The following CFAP54 variants were observed in gnomAD, a reference collection of about 807,000 sequenced individuals.
The protein encoded by CFAP54 is cilia and flagella associated protein 54, also known as cilia- and flagella-associated protein 54.
CFAP54 carries 290 observed loss-of-function variants against 370.4 expected under a neutral mutation model. The observed-to-expected ratio is 0.78, with a 90% CI of 0.71 to 0.86. The LOEUF is 0.86. Among genes scored for constraint, CFAP54 ranks in the 40% least tolerant of loss-of-function variants. The pLI is 0.00. For missense variants in CFAP54, 3,399 were observed against 3,528.7 expected (o/e 0.96, Z 0.93); for synonymous variants, 1,206 against 1,236.5 (o/e 0.98, Z 0.52).
Position 96,691,074 on chromosome 12 carries a change from A to T in CFAP54, c.6082-54A>T. The T allele has an allele frequency of 5.3e-6, 8 of 1,498,660 alleles. No individual in the cohort carries two copies. In the Admixed American group the frequency reaches 9.5e-5, roughly 18 times the overall value. 92.8% of individuals were successfully genotyped at this position (1,498,660 alleles called of 1,614,324 possible). A position where few individuals can be genotyped will look rare whatever the true frequency, so the allele number is the denominator to read the frequency against. ...TACATGTATTTATCTTTTTTGTTTC[A>T]TTATTGAAAATGCTATCTATAGCTC... is the stretch of plus-strand genomic sequence containing the variant. On this transcript the variant is annotated intron_variant, in intron 43 of 67. Coordinates refer to ENST00000524981, the MANE Select transcript of CFAP54 (RefSeq NM_001306084.2).
intron 65 of CFAP54, among the ~76,000 whole-genome samples, chr12:96,826,755 A>G (rs1959113598): frequency 8.9e-6 from 1 of 112,812 alleles, no homozygotes; most frequent in Non-Finnish European, 1.6e-5. Context: ...CTTATATAAT[A>G]CATATTAATA....
chr12:96,807,040 C>A (rs1257304623), intron 63 of CFAP54, among the ~76,000 whole-genome samples: 1 of 152,176 alleles, frequency 6.6e-6, no homozygotes, highest in African/African-American at 2.4e-5. Context: ...GCTACTAATG[C>A]AGCTTACAGT....
chr12:96,749,542 T>G (rs532960056), intron 55 of CFAP54, among the ~76,000 whole-genome samples: 5 of 152,212 alleles, frequency 3.3e-5, no homozygotes, highest in African/African-American at 1.2e-4. Context: ...TGACTATTAT[T>G]ATTTATATAT....
At chr12:96,867,263 CA>C in intron 67 of CFAP54, among the ~76,000 whole-genome samples, 1 of 152,134 alleles carries the variant, frequency 6.6e-6, no homozygotes, top group Non-Finnish European at 1.5e-5. Context: ...TGCTTCCTGG[CA>C]AAAATGTCCT....
At chr12:96,705,539 G>A (rs1416104529) in intron 47 of CFAP54, among the ~76,000 whole-genome samples, 1 of 151,894 alleles carries the variant, frequency 6.6e-6, no homozygotes, top group African/African-American at 2.4e-5. Context: ...CAAGACCTTG[G>A]GGTGTCTAAG....
rs1052214057 is a variant in CFAP54, at chr12:96,598,623, T to A, written c.3517-22T>A. On this transcript the variant is annotated intron_variant, in intron 25 of 67. Transcript: ENST00000524981. ...TAAGGATGACATTTTAAAACAAAAA[T>A]CATTGTGATTCTAATTTTTAGATCC... 6.7e-6 allele frequency: 4 copies of A among 594,398 alleles called. No individual in the cohort carries two copies. In the African/African-American group the frequency reaches 7.4e-5, roughly 11 times the overall value. The allele number at this position is 594,398 out of a possible 1,614,324, so 36.8% of individuals were successfully genotyped here. A position where few individuals can be genotyped will look rare whatever the true frequency, so the allele number is the denominator to read the frequency against.
At chr12:96,628,393 G>A (rs532756755) in intron 30 of CFAP54, among the ~76,000 whole-genome samples, 1 of 152,314 alleles carries the variant, frequency 6.6e-6, no homozygotes, top group South Asian at 2.1e-4. Flanking sequence ...GCGTGGAGGA[G>A]AATGCTGAGA....
intron 47 of CFAP54, among the ~76,000 whole-genome samples, 164 bp downstream of exon 47, chr12:96,704,960 C>T (rs890071976): frequency 2.6e-5 from 4 of 152,002 alleles, no homozygotes; most frequent in Non-Finnish European, 2.9e-5. Flanking sequence ...GATTCTACTG[C>T]CCATCTAAAT....
intron 20 of CFAP54, among the ~76,000 whole-genome samples, chr12:96,577,763 C>CTCAAAACAAGT (rs1955993605): frequency 6.6e-6 from 1 of 152,000 alleles, no homozygotes; most frequent in Non-Finnish European, 1.5e-5. Context: ...GTAAAGCTTA[C>CTCAAAACAAGT]TCAAAACAAG....
At chr12:96,610,658 C>T (rs973672785) in intron 26 of CFAP54, among the ~76,000 whole-genome samples, 15 of 152,166 alleles carry the variant, frequency 9.9e-5, no homozygotes, top group Admixed American at 4.6e-4. Flanking sequence ...CTATGACAGA[C>T]GGCACCTGGA....
chr12:96,671,664 G>A (rs190660084), intron 39 of CFAP54, among the ~76,000 whole-genome samples: 1,672 of 152,316 alleles, frequency 0.011, 19 homozygotes, highest in Non-Finnish European at 0.016. Context: ...GCTTACGCCT[G>A]TAATCCCAGC....
chr12:96,752,120 G>GAGAGAGAGAGAT (rs1555318373), intron 55 of CFAP54, among the ~76,000 whole-genome samples: 38 of 150,766 alleles, frequency 2.5e-4, no homozygotes, highest in African/African-American at 8.9e-4. Context: ...GAGAGAGAGA[G>GAGAGAGAGAGAT]AGAGAGAGAG....
At chr12:96,495,425 C>T (rs1045523723) in intron 1 of CFAP54, among the ~76,000 whole-genome samples, 2 of 151,684 alleles carry the variant, frequency 1.3e-5, no homozygotes, top group African/African-American at 2.4e-5. Flanking sequence ...AGACAATTCA[C>T]GTGCCTCAGC....
In CFAP54 at chr12:96,663,891, C is replaced by T. The variant is rs1047558195; in HGVS notation, c.5522C>T (p.Thr1841Ile). Residue 1841 changes from threonine to isoleucine, a missense_variant, in exon 39 of 68, where the codon ACA becomes ATA. Around this residue, in one of 3 missense-constraint regions of CFAP54, gnomAD observed 2,796 missense variants for 2,869.7 expected, o/e 0.97. Transcript: ENST00000524981. ...ATTAATTCTTCAACCATTGAAGCAA[C>T]AAGCAACTGCACAGATTTGCTAAAA... The part of the protein sequence containing the change: ...LKINSSTIEA[T>I]SNCTDLLKML... 3 of 1,613,200 alleles carry T rather than the reference C, an allele frequency of 1.9e-6. No homozygotes were observed. Among genetic ancestry groups the T allele is most frequent in the South Asian group, 2.2e-5 (2 of 90,976 alleles).
chr12:96,823,859 C>T (rs1959058699), intron 65 of CFAP54, among the ~76,000 whole-genome samples: 1 of 152,136 alleles, frequency 6.6e-6, no homozygotes, highest in Non-Finnish European at 1.5e-5. Context: ...GCTCATGATC[C>T]ACCCTATGAT....
intron 1 of CFAP54, among the ~76,000 whole-genome samples, chr12:96,499,990 A>C (rs1224486990): frequency 6.6e-6 from 1 of 151,792 alleles, no homozygotes; most frequent in Non-Finnish European, 1.5e-5. Flanking sequence ...AACAAAAAAA[A>C]CCGTGCGCAT....
chr12:96,806,192 AT>A (rs1565984884), intron 63 of CFAP54, among the ~76,000 whole-genome samples: 4,455 of 89,410 alleles, frequency 0.05, 455 homozygotes, highest in South Asian at 0.17. Flanking sequence ...ATATATATAT[AT>A]ATATATATAT....
At chr12:96,672,418 C>A (rs567838233) in intron 39 of CFAP54, among the ~76,000 whole-genome samples, 1 of 151,952 alleles carries the variant, frequency 6.6e-6, no homozygotes, top group South Asian at 2.1e-4. Context: ...CAAGGGGCTG[C>A]GAGTATAGCC....
rs918337485 is a variant in CFAP54 at position 96,856,233 on chromosome 12, C to T, written c.9172-4586C>T. 7.9e-5 allele frequency among the ~76,000 whole-genome samples: 12 copies of T among 152,116 alleles called. No individual in the cohort carries two copies. The South Asian group carries it at 1.0e-3, about 13-fold the overall frequency. ...TCCCTCCTAGACCCTGGGCCTGCCCCGAAGGTCTCTGACTTGCCCTGGAGC... is the reference window on the plus strand; with the variant it reads ...TCCCTCCTAGACCCTGGGCCTGCCCTGAAGGTCTCTGACTTGCCCTGGAGC... On this transcript the variant is annotated intron_variant, in intron 66 of 67. Coordinates refer to ENST00000524981, the MANE Select transcript of CFAP54 (RefSeq NM_001306084.2).
Sources: allele counts gnomAD v4.1 joint callset (sites outside exome capture counted in the v4.1 genomes callset), GRCh38; gene constraint gnomAD v4.1.1; regional missense constraint gnomAD v4.1.1; transcripts MANE v1.5; gene names NCBI Gene and HGNC (gene_info 2026-07-23, HGNC 2026-07-21).